HDC: variants seen among roughly 807,000 people sequenced by gnomAD.
The protein encoded by HDC is histidine decarboxylase.
Under a neutral mutation model 64.4 loss-of-function variants are expected in HDC, and 27 were observed. The ratio of observed to expected loss-of-function variants is 0.42; its 90% CI spans 0.31 to 0.58. HDC has a LOEUF of 0.58. HDC is among the 20% of genes least tolerant of loss of function. The pLI, the probability that HDC is intolerant of heterozygous loss-of-function variation, is 0.16. For missense variants in HDC, 711 were observed against 833.9 expected, an observed-to-expected ratio of 0.85 and a Z score of 1.81; for synonymous variants, 305 against 314.2, an observed-to-expected ratio of 0.97 and a Z score of 0.31.
intron 5 of HDC, 71 bp downstream of exon 5, chr15:50,254,459 A>G: frequency 1.2e-6 from 2 of 1,609,428 alleles, no homozygotes; most frequent in South Asian, 2.2e-5. Flanking sequence ...TCTAGAAAAA[A>G]ATTGCTCAAG....
rs1378685168 is a variant in HDC at position 50,254,487 on chromosome 15, C to T, written c.576+43G>A. ...TGCTCAAGGACCAAGATTCCAGAAG[C>T]CAAGCACCAACCCGAAGGGCTGTCC... is the stretch of plus-strand genomic sequence containing the variant. On this transcript the variant is annotated intron_variant, in intron 5 of 11. Transcript: ENST00000267845. 4.3e-6 allele frequency: 7 copies of T among 1,613,840 alleles called. No individual in the cohort carries two copies. In the South Asian group the frequency reaches 5.5e-5, roughly 13 times the overall value.
chr15:50,248,311 G>T lies in HDC; in HGVS notation c.1074C>A (p.Arg358=). 6.2e-7 allele frequency: 1 copy of T among 1,614,124 alleles called. No homozygotes were observed. The highest frequency in any genetic ancestry group is 8.5e-7 in the Non-Finnish European group (1 of 1,179,960). The change falls in exon 10 of 12, where the codon CGC becomes CGA. Residue 358 remains arginine, a synonymous_variant. Coordinates refer to ENST00000267845, the MANE Select transcript of HDC (RefSeq NM_002112.4). The surrounding 1 kb of genome is among the most constrained non-coding windows in gnomAD (Gnocchi z 4.3). ...GAATCACGAACCAGAGTTTAACAGA[G>T]CGAAACCGTCGGCTCAGGGGGATCT... ...HWQIPLSRRF[R]SVKLWFVIRS...
chr15:50,252,681 T>G lies in HDC; in HGVS notation c.881A>C (p.Glu294Ala). The change falls in exon 8 of 12, where the codon GAG becomes GCG. Residue 294 changes from glutamate (E) to alanine (A), a missense_variant. By Grantham distance (107) the Glu-to-Ala change is moderately radical. This residue lies in a region of HDC where 483 missense variants were observed against 540.9 expected (regional missense o/e 0.89). Coordinates refer to ENST00000267845, the MANE Select transcript of HDC (RefSeq NM_002112.4). ...ATTAAAGGTGAAGGAGTCGGCATAC[T>G]CAATCCCCTTCAGAAACCCCCGGAA... ...PEFRGFLKGI[E>A]YADSFTFNPS... 6.2e-7 allele frequency: 1 copy of G among 1,613,982 alleles called. No individual in the cohort carries two copies.
chr15:50,260,511 C>T (rs997420160), intron 2 of HDC, among the ~76,000 whole-genome samples: 4 of 152,158 alleles, frequency 2.6e-5, no homozygotes, highest in Admixed American at 2.0e-4. Flanking sequence ...CTAACATTAA[C>T]GGTAAACTAA....
At position 50,248,700 on chromosome 15, in the gene HDC, T is replaced by A. The variant is rs552379; in HGVS notation, c.1042-357A>T. Among the ~76,000 whole-genome samples, 146,518 of 152,342 alleles carry A rather than the reference T, an allele frequency of 0.96. 70,522 individuals carry two copies. Among genetic ancestry groups the A allele is most frequent in the East Asian group, 1 (5,187 of 5,188 alleles). Reference sequence around the variant, plus strand: ...ATACATTTTTACTCTAAATGAATCTTTATTCCTTGAATAGCAGAAAATAAA... The same window carrying A: ...ATACATTTTTACTCTAAATGAATCTATATTCCTTGAATAGCAGAAAATAAA... On this transcript the variant is annotated intron_variant, in intron 9 of 11. Transcript: ENST00000267845. This position sits in a 1 kb window ranked among gnomAD's most constrained non-coding sequence, Gnocchi z 4.3.
rs377596206 is a variant in HDC at position 50,265,661 on chromosome 15, G to A, written c.-38C>T. ...CTGGCTCCTTCTCACAGATGGACAC[G>A]CAGGAGGTGGAAGGCGTGAAAGGCG... On this transcript the variant is annotated 5_prime_UTR_variant, in exon 1 of 12. Coordinates refer to ENST00000267845, the MANE Select transcript of HDC (RefSeq NM_002112.4). 4.2e-5 allele frequency: 68 copies of A among 1,608,468 alleles called. No individual in the cohort carries two copies. The highest frequency in any genetic ancestry group is 1.6e-4 in the African/African-American group (12 of 74,772).
intron 4 of HDC, 110 bp from the exon 5 acceptor site, chr15:50,254,774 C>CTGTGTG (rs1381284473): frequency 2.2e-6 from 2 of 926,232 alleles, no homozygotes; most frequent in African/African-American, 1.8e-5. Context: ...CTCTCTCTCT[C>CTGTGTG]TCTGTGTGTG....
intron 2 of HDC, among the ~76,000 whole-genome samples, chr15:50,262,070 T>G (rs1208923094): frequency 2.0e-5 from 3 of 151,940 alleles, no homozygotes; most frequent in African/African-American, 7.3e-5. Flanking sequence ...CAAGCTGGCC[T>G]CAGGAAGAGC....
In HDC at chr15:50,252,782, G is replaced by A; in HGVS notation, c.788-8C>T. ...ACAGCCCCTCACGGGCACCTGAGGA[G>A]GCAAACATCACCTGGCCGGAGGGGA... On this transcript the variant is annotated splice_polypyrimidine_tract_variant and splice_region_variant and intron_variant, in intron 7 of 11. Coordinates refer to ENST00000267845, the MANE Select transcript of HDC (RefSeq NM_002112.4). 6.2e-7 allele frequency: 1 copy of A among 1,611,038 alleles called. No individual in the cohort carries two copies. Among genetic ancestry groups the A allele is most frequent in the Non-Finnish European group, 8.5e-7 (1 of 1,178,642 alleles).
chr15:50,257,310 G>A, intron 4 of HDC, 115 bp downstream of exon 4: 2 of 1,282,854 alleles, frequency 1.6e-6, no homozygotes, highest in South Asian at 1.2e-5. Context: ...GGTGATGACG[G>A]TGTGGGTAAT....
At chr15:50,252,937 T>C (rs2045577998) in intron 7 of HDC, 163 bp from the exon 8 acceptor site, 2 of 684,910 alleles carry the variant, frequency 2.9e-6, no homozygotes, top group Non-Finnish European at 5.0e-6. Flanking sequence ...TTTGAAGAAG[T>C]GGGGCTGAAG....
At chr15:50,258,086 A>T (rs537502159) in intron 3 of HDC, among the ~76,000 whole-genome samples, 25 of 152,324 alleles carry the variant, frequency 1.6e-4, no homozygotes, top group African/African-American at 6.0e-4. Flanking sequence ...CAAATTGCTT[A>T]GGTAAGGTCA....
intron 1 of HDC, 171 bp from the exon 2 acceptor site, chr15:50,263,578 G>T (rs868075810): frequency 4.5e-6 from 3 of 672,442 alleles, no homozygotes; most frequent in African/African-American, 3.5e-5. Flanking sequence ...GAGGCAGGCG[G>T]ATCACGAGGT....
At chr15:50,265,464 G>A in intron 1 of HDC, 129 bp downstream of exon 1, 2 of 816,470 alleles carry the variant, frequency 2.4e-6, no homozygotes, top group Non-Finnish European at 4.2e-6. Flanking sequence ...AATGTTGCTG[G>A]TGCCAACTCT....
intron 11 of HDC, 67 bp downstream of exon 11, chr15:50,243,076 G>T (rs895784056): frequency 3.1e-6 from 5 of 1,613,604 alleles, no homozygotes; most frequent in Middle Eastern, 1.7e-4. Context: ...CCCAGCATTT[G>T]TGTTTCCGAG....
At chr15:50,259,858 C>T (rs1413790835) in intron 2 of HDC, among the ~76,000 whole-genome samples, 1 of 152,104 alleles carries the variant, frequency 6.6e-6, no homozygotes, top group African/African-American at 2.4e-5. Flanking sequence ...GGACCTTGTC[C>T]TGGACAGTGT....
rs1567454611 is a variant in HDC at position 50,258,467 on chromosome 15, G to A, written c.255C>T (p.Thr85=). ...TGTCTCCTAGCAGGGAGGGCCAAGA[G>A]GTGAGGGCTGGGTAGTAGGCGTGCA... ...PHMHAYYPAL[T]SWPSLLGDML... Residue 85 remains threonine (T), a synonymous_variant, in exon 3 of 12, where the codon ACC becomes ACT. Transcript: ENST00000267845. 2 of 1,613,908 alleles carry A rather than the reference G, an allele frequency of 1.2e-6. No individual in the cohort carries two copies. Among genetic ancestry groups the A allele is most frequent in the Non-Finnish European group, 8.5e-7 (1 of 1,179,852 alleles).
chr15:50,264,159 G>A (rs2045739814), intron 1 of HDC, among the ~76,000 whole-genome samples: 1 of 152,136 alleles, frequency 6.6e-6, no homozygotes, highest in African/African-American at 2.4e-5. Context: ...TCCATGCCCA[G>A]TTCCGATAAA....
Position 50,263,288 on chromosome 15 carries a change from G to A in HDC, c.151C>T (p.Pro51Ser). 1 of 1,614,158 alleles carries A rather than the reference G, an allele frequency of 6.2e-7. No individual in the cohort carries two copies. Among genetic ancestry groups the A allele is most frequent in the Non-Finnish European group, 8.5e-7 (1 of 1,180,030 alleles). Residue 51 changes from proline to serine, a missense_variant, in exon 2 of 12, where the codon CCC (proline) becomes TCC (serine). Coordinates refer to ENST00000267845, the MANE Select transcript of HDC (RefSeq NM_002112.4). ...AQLPESAPED[P>S]DSWDSIFGDI... ...CCAAAGATGCTGTCCCAGCTGTCGG[G>A]GTCCTCAGGAGCACTCTCAGGCAGC...
Sources: allele counts gnomAD v4.1 joint callset (sites outside exome capture counted in the v4.1 genomes callset), GRCh38; gene constraint gnomAD v4.1.1; regional missense constraint gnomAD v4.1.1; non-coding constraint Gnocchi (gnomAD v3.1); transcripts MANE v1.5; gene names NCBI Gene and HGNC (gene_info 2026-07-23, HGNC 2026-07-21).